Variants in KCNIP4 observed in about 807,000 individuals in gnomAD.
KCNIP4 encodes potassium voltage-gated channel interacting protein 4, also known as Kv channel-interacting protein 4.
KCNIP4 carries 12 observed loss-of-function variants against 34.0 expected under a neutral mutation model. The ratio of observed to expected loss-of-function variants is 0.35; its 90% CI spans 0.23 to 0.57. The LOEUF (loss-of-function observed/expected upper bound fraction) is 0.57. Ranked by LOEUF, KCNIP4 falls within the 20% of genes least tolerant of loss-of-function variation. KCNIP4 has a pLI of 0.83. For synonymous variants in KCNIP4, 124 were observed against 102.2 expected, an observed-to-expected ratio of 1.21 and a Z score of -1.29; for missense variants, 238 against 311.7, an observed-to-expected ratio of 0.76 and a Z score of 1.78.
At chr4:21,652,376 T>C (rs551616159) in intron 1 of KCNIP4, among the ~76,000 whole-genome samples, 15 of 152,260 alleles carry the variant, frequency 9.9e-5, no homozygotes, top group African/African-American at 3.1e-4. Flanking sequence ...TGAAAAAGTA[T>C]AGGGAGAAAT....
At chr4:21,357,325 T>A (rs1261848202) in intron 1 of KCNIP4, among the ~76,000 whole-genome samples, 9 of 152,060 alleles carry the variant, frequency 5.9e-5, no homozygotes, top group African/African-American at 1.7e-4. Flanking sequence ...TGGGATCTAA[T>A]TAAACTAAAG....
rs888111718 is a variant in KCNIP4, at chr4:20,929,629, GTA to G, written c.62-46922_62-46921del. On this transcript the variant is annotated intron_variant, in intron 1 of 8. Transcript: ENST00000382152. The stretch of plus-strand genomic sequence containing the variant: ...ATTTGCAGATGATATAATCCCTTAT[GTA>G]GAAAACCCTAAAGATTCCACAAAAA... Among the ~76,000 whole-genome samples, 16 of 102,254 alleles carry G rather than the reference GTA, an allele frequency of 1.6e-4. No homozygotes were observed. The Admixed American group carries it at 1.9e-3, about 12-fold the overall frequency. 67.1% of individuals were successfully genotyped at this position (102,254 alleles called of 152,430 possible). A position where few individuals can be genotyped will look rare whatever the true frequency, so the allele number is the denominator to read the frequency against.
chr4:20,783,440 C>T (rs1711516673), intron 3 of KCNIP4, among the ~76,000 whole-genome samples: 1 of 152,132 alleles, frequency 6.6e-6, no homozygotes, highest in Non-Finnish European at 1.5e-5. Flanking sequence ...GGGGAGGCCT[C>T]AGAATCATGG....
At chr4:21,927,983 T>C (rs1348181853) in intron 1 of KCNIP4, among the ~76,000 whole-genome samples, 3 of 152,124 alleles carry the variant, frequency 2.0e-5, no homozygotes, top group Admixed American at 6.6e-5. Flanking sequence ...TGTTAAGCCC[T>C]CTCCAAGCAG....
intron 1 of KCNIP4, among the ~76,000 whole-genome samples, chr4:21,379,910 C>T (rs1237463792): frequency 7.0e-6 from 1 of 141,972 alleles, no homozygotes; most frequent in African/African-American, 2.6e-5. Context: ...CATATTAGTG[C>T]TCGTTCTCTG....
intron 1 of KCNIP4, among the ~76,000 whole-genome samples, chr4:20,996,691 C>G (rs1022742307): frequency 6.6e-6 from 1 of 152,152 alleles, no homozygotes; most frequent in Non-Finnish European, 1.5e-5. Context: ...GTCACCACTC[C>G]CTGGTTCCTC....
At chr4:21,000,279 G>A (rs527685286) in intron 1 of KCNIP4, among the ~76,000 whole-genome samples, 1 of 151,978 alleles carries the variant, frequency 6.6e-6, no homozygotes, top group African/African-American at 2.4e-5. Flanking sequence ...CTCAGCCGCT[G>A]CCCTTGTCTC....
chr4:21,140,757 C>T (rs1317423357), intron 1 of KCNIP4, among the ~76,000 whole-genome samples: 2 of 152,064 alleles, frequency 1.3e-5, no homozygotes, highest in Admixed American at 6.6e-5. Context: ...AGTCCCTGCC[C>T]CCTCCTTTCT....
At chr4:21,862,650 T>C (rs13102807) in intron 1 of KCNIP4, among the ~76,000 whole-genome samples, 54,227 of 152,034 alleles carry the variant, frequency 0.36, 11,675 homozygotes, top group East Asian at 0.65. Context: ...TGGTAGGTGT[T>C]CAATAAATAT....
chr4:21,369,621 G>A (rs1720129497), intron 1 of KCNIP4, among the ~76,000 whole-genome samples: 1 of 146,660 alleles, frequency 6.8e-6, no homozygotes, highest in Non-Finnish European at 1.5e-5. Context: ...AAAGAAGAAT[G>A]TAATTTGTTG....
At chr4:20,925,982 T>G (rs1729863132) in intron 1 of KCNIP4, among the ~76,000 whole-genome samples, 1 of 152,212 alleles carries the variant, frequency 6.6e-6, no homozygotes, top group African/African-American at 2.4e-5. Flanking sequence ...CCCAAAGTTG[T>G]TTTTGGGGCC....
At chr4:21,733,683 C>A (rs891302128) in intron 1 of KCNIP4, among the ~76,000 whole-genome samples, 27 of 152,256 alleles carry the variant, frequency 1.8e-4, no homozygotes, top group African/African-American at 6.0e-4. Flanking sequence ...AACACTTGCT[C>A]ATGAATATCC....
intron 1 of KCNIP4, among the ~76,000 whole-genome samples, chr4:21,290,823 T>C (rs765266199): frequency 2.6e-5 from 4 of 152,154 alleles, no homozygotes; most frequent in Non-Finnish European, 4.4e-5. Context: ...GGGAAGTTCA[T>C]GACCTGGCAA....
At chr4:21,596,007 A>G (rs1397682956) in intron 1 of KCNIP4, among the ~76,000 whole-genome samples, 1 of 152,062 alleles carries the variant, frequency 6.6e-6, no homozygotes, top group Non-Finnish European at 1.5e-5. Context: ...GAGGATTGTT[A>G]CTTCAATAAA....
intron 1 of KCNIP4, among the ~76,000 whole-genome samples, chr4:21,548,182 C>T (rs1738291403): frequency 6.6e-6 from 1 of 152,176 alleles, no homozygotes; most frequent in Middle Eastern, 3.4e-3. Context: ...AAAACACCAG[C>T]AATCAAAAAT....
intron 1 of KCNIP4, among the ~76,000 whole-genome samples, chr4:21,124,716 C>T (rs942949411): frequency 3.9e-5 from 6 of 152,008 alleles, no homozygotes; most frequent in African/African-American, 1.4e-4. Flanking sequence ...CAAAAAAGTC[C>T]AGGGCTAGTC....
chr4:21,188,485 C>G (rs114816678), intron 1 of KCNIP4, among the ~76,000 whole-genome samples: 2,895 of 152,142 alleles, frequency 0.019, 57 homozygotes, highest in Non-Finnish European at 0.026. Flanking sequence ...ATATATTTAA[C>G]ATTTCTCATG....
At chr4:20,965,042 G>T (rs181604787) in intron 1 of KCNIP4, among the ~76,000 whole-genome samples, 247 of 152,218 alleles carry the variant, frequency 1.6e-3, no homozygotes, top group Admixed American at 2.6e-3. Context: ...ATGGAGAGAA[G>T]GCAACATAAG....
At chr4:21,703,284 C>T (rs1356179794) in intron 1 of KCNIP4, among the ~76,000 whole-genome samples, 4 of 152,072 alleles carry the variant, frequency 2.6e-5, no homozygotes, top group African/African-American at 9.7e-5. Context: ...TAAAGGCATA[C>T]AGAGTGTAAA....
Sources: gnomAD v4.1 joint callset for allele counts (sites outside exome capture counted in the v4.1 genomes callset) on GRCh38, gnomAD v4.1.1 for gene constraint, MANE v1.5 for transcripts, NCBI Gene and HGNC (gene_info 2026-07-23, HGNC 2026-07-21) for gene names.